The following HAT1 variants were observed in gnomAD, a reference collection of about 807,000 sequenced individuals.
HAT1 encodes the protein histone acetyltransferase 1.
HAT1 carries 20 observed loss-of-function variants against 56.6 expected under a neutral mutation model. The observed-to-expected ratio is 0.35, with a 90% CI of 0.25 to 0.51. The LOEUF (loss-of-function observed/expected upper bound fraction) is 0.51, where lower values mean the gene tolerates loss of function less well. Among genes scored for constraint, HAT1 ranks in the 20% least tolerant of loss-of-function variants. The pLI is 0.95. For synonymous variants in HAT1, 146 were observed against 165.5 expected, an observed-to-expected ratio of 0.88 and a Z score of 0.91; for missense variants, 408 against 504.3, an observed-to-expected ratio of 0.81 and a Z score of 1.83.
chr2:171,935,178 C>G (rs904405655), intron 2 of HAT1, among the ~76,000 whole-genome samples: 2 of 151,596 alleles, frequency 1.3e-5, no homozygotes, highest in African/African-American at 4.9e-5. Context: ...GGGAGGAAAA[C>G]GAGGATATGA....
intron 3 of HAT1, among the ~76,000 whole-genome samples, chr2:171,949,236 G>A (rs1453337117): frequency 6.6e-6 from 1 of 151,718 alleles, no homozygotes; most frequent in African/African-American, 2.4e-5. Context: ...TTTTGAGACA[G>A]GGTCTTGCTC....
chr2:171,980,787 C>T (rs1417678245), intron 10 of HAT1: 1 of 144,038 alleles, frequency 6.9e-6, no homozygotes, highest in Non-Finnish European at 1.5e-5. Context: ...ACTCGGGAGG[C>T]AGAGGTTGCA....
chr2:171,960,481 A>G (rs2105331405), intron 4 of HAT1, among the ~76,000 whole-genome samples: 1 of 152,292 alleles, frequency 6.6e-6, no homozygotes, highest in Non-Finnish European at 1.5e-5. Flanking sequence ...CAGCCATAAC[A>G]TCTGCTTAGA....
intron 9 of HAT1, among the ~76,000 whole-genome samples, chr2:171,976,911 C>G (rs956194108): frequency 6.6e-6 from 1 of 152,204 alleles, no homozygotes; most frequent in Non-Finnish European, 1.5e-5. Flanking sequence ...AGTGGTGGCT[C>G]ACGCCTGTAA....
rs1209725433 is a variant in HAT1, at chr2:171,983,287, G to C, written c.1195G>C (p.Glu399Gln). 6.2e-7 allele frequency: 1 copy of C among 1,608,462 alleles called. No homozygotes were observed. Among genetic ancestry groups the C allele is most frequent in the Admixed American group, 1.7e-5 (1 of 59,492 alleles). ...AATAAGCATGCAACATGAACAGCTG[G>C]AAGAGAGTTTTCAGGAACTAGTGGA... is the stretch of plus-strand genomic sequence containing the variant. ...IEISMQHEQLEESFQELVEDY... is the reference protein window; with the variant it reads ...IEISMQHEQLQESFQELVEDY... The change falls in exon 11 of 11, where the codon GAA becomes CAA. Residue 399 changes from glutamate to glutamine, a missense_variant. Coordinates refer to ENST00000264108, the MANE Select transcript of HAT1 (RefSeq NM_003642.4).
Position 171,952,882 on chromosome 2 carries a change from G to A in HAT1, c.190G>A (p.Glu64Lys). 1 of 1,580,524 alleles carries A rather than the reference G, an allele frequency of 6.3e-7. No homozygotes were observed. Among genetic ancestry groups the A allele is most frequent in the East Asian group, 2.3e-5 (1 of 44,286 alleles). ...EYTHQLFGDD[E>K]TAFGYKGLKI... ...TTATTGCTATTTTTTCCATTTCAGTGAAACTGCTTTTGGTTACAAGGGTCT... is the reference window on the plus strand; with the variant it reads ...TTATTGCTATTTTTTCCATTTCAGTAAAACTGCTTTTGGTTACAAGGGTCT... The change falls in exon 4 of 11, where the codon GAA (glutamate) becomes AAA (lysine). Residue 64 changes from glutamate (E) to lysine (K), a missense_variant and splice_region_variant. Glu to Lys is a moderately conservative substitution (Grantham distance 56, BLOSUM62 1). Coordinates refer to ENST00000264108, the MANE Select transcript of HAT1 (RefSeq NM_003642.4).
chr2:171,966,232 A>G (rs1041451057), intron 6 of HAT1, 177 bp from the exon 7 acceptor site: 1 of 637,074 alleles, frequency 1.6e-6, no homozygotes, highest in East Asian at 2.8e-5. Flanking sequence ...GATTTATCCA[A>G]GTTGCTGCAC....
At chr2:171,942,645 G>A (rs969749858) in intron 2 of HAT1, among the ~76,000 whole-genome samples, 3 of 152,026 alleles carry the variant, frequency 2.0e-5, no homozygotes, top group Non-Finnish European at 4.4e-5. Flanking sequence ...AATATTTAAT[G>A]TTTCTGATAT....
chr2:171,980,130 A>T (rs183514645), intron 10 of HAT1: 8 of 152,340 alleles, frequency 5.3e-5, no homozygotes, highest in African/African-American at 1.9e-4. Flanking sequence ...ACAAACAAAC[A>T]AACTTATCCC....
intron 8 of HAT1, among the ~76,000 whole-genome samples, chr2:171,970,769 C>T (rs1308880648): frequency 2.0e-5 from 3 of 150,798 alleles, no homozygotes; most frequent in East Asian, 2.0e-4. Flanking sequence ...CCTCCGGCCT[C>T]GGCCTCCCCA....
intron 2 of HAT1, among the ~76,000 whole-genome samples, chr2:171,926,096 C>T (rs1388348529): frequency 6.6e-6 from 1 of 151,574 alleles, no homozygotes; most frequent in Admixed American, 6.6e-5. Flanking sequence ...TCATTTCCTC[C>T]CCTCACCCCT....
At chr2:171,972,042 C>T (rs1347613079) in intron 8 of HAT1, among the ~76,000 whole-genome samples, 1 of 152,150 alleles carries the variant, frequency 6.6e-6, no homozygotes, top group Admixed American at 6.5e-5. Context: ...CAGTGCTCAA[C>T]CCCTGGCACA....
At chr2:171,930,521 G>T (rs2105965156) in intron 2 of HAT1, among the ~76,000 whole-genome samples, 1 of 152,268 alleles carries the variant, frequency 6.6e-6, no homozygotes, top group South Asian at 2.1e-4. Context: ...TTATGTGTGT[G>T]CATGTGCATA....
At chr2:171,961,888 CTTG>C in intron 4 of HAT1, among the ~76,000 whole-genome samples, 1 of 110,072 alleles carries the variant, frequency 9.1e-6, no homozygotes, top group East Asian at 2.2e-4. Flanking sequence ...ATTTCTTTTG[CTTG>C]TTTTTTTTTT....
chr2:171,980,209 C>T (rs1297548341), intron 10 of HAT1: 1 of 152,162 alleles, frequency 6.6e-6, no homozygotes, highest in Non-Finnish European at 1.5e-5. Context: ...AATGCCTAGT[C>T]TCTTCCCTAA....
intron 3 of HAT1, among the ~76,000 whole-genome samples, chr2:171,949,211 T>G (rs1231414151): frequency 6.6e-6 from 1 of 152,102 alleles, no homozygotes; most frequent in Non-Finnish European, 1.5e-5. Context: ...AGGGATGCTT[T>G]TTTTTGTTTT....
intron 8 of HAT1, among the ~76,000 whole-genome samples, chr2:171,968,114 A>G (rs1384036252): frequency 1.3e-5 from 2 of 152,140 alleles, no homozygotes; most frequent in African/African-American, 2.4e-5. Context: ...TTATCTTTTC[A>G]TCTGACTTTC....
chr2:171,969,610 T>A lies in HAT1; in HGVS notation c.823+2661T>A, dbSNP rs1687765085. The stretch of plus-strand genomic sequence containing the variant: ...TGTCATACATTATTGGGTGTCGTTT[T>A]AAGTTCATTTCAGACTGACACTTTC... On this transcript the variant is annotated intron_variant, in intron 8 of 10. Transcript: ENST00000264108. Among the ~76,000 whole-genome samples, 5 of 152,242 alleles carry A rather than the reference T, an allele frequency of 3.3e-5. No individual in the cohort carries two copies. The South Asian group carries it at 1.0e-3, about 31-fold the overall frequency.
chr2:171,938,744 A>G lies in HAT1; in HGVS notation c.113-7964A>G, dbSNP rs1230646706. 6.6e-5 allele frequency among the ~76,000 whole-genome samples: 10 copies of G among 151,990 alleles called. No homozygotes were observed. The East Asian group carries it at 1.9e-3, about 29-fold the overall frequency. ...AAGGAGATTTGAAGTTGTCTGAAAC[A>G]TATTTTTTTTTTTTGAGACAGGGTC... is the stretch of plus-strand genomic sequence containing the variant. On this transcript the variant is annotated intron_variant, in intron 2 of 10. Transcript: ENST00000264108.
Sources: allele counts gnomAD v4.1 joint callset (sites outside exome capture counted in the v4.1 genomes callset), GRCh38; gene constraint gnomAD v4.1.1; transcripts MANE v1.5; gene names NCBI Gene and HGNC (gene_info 2026-07-23, HGNC 2026-07-21).